ME1: variants seen among roughly 807,000 people sequenced by gnomAD.
ME1 encodes the protein NADP-dependent malic enzyme.
In ME1, 74 loss-of-function variants were observed where a neutral mutation model predicts 66.4. The ratio of observed to expected loss-of-function variants is 1.11; its 90% CI spans 0.92 to 1.35. The LOEUF (loss-of-function observed/expected upper bound fraction) is 1.35. Among genes scored for constraint, ME1 ranks in the 40% most tolerant of loss-of-function variants. ME1 has a pLI of 0.00. For synonymous variants in ME1, 251 were observed against 235.6 expected, an observed-to-expected ratio of 1.07 and a Z score of -0.60; for missense variants, 750 against 694.1, an observed-to-expected ratio of 1.08 and a Z score of -0.90.
intron 6 of ME1, among the ~76,000 whole-genome samples, chr6:83,281,900 T>TTC (rs1445875662): frequency 7.1e-6 from 1 of 141,730 alleles, no homozygotes; most frequent in East Asian, 2.1e-4. Flanking sequence ...ACACTGAATG[T>TTC]TCTCACTCAG....
At chr6:83,216,724 C>T in intron 12 of ME1, 128 bp from the exon 13 acceptor site, 1 of 573,786 alleles carries the variant, frequency 1.7e-6, no homozygotes, top group Non-Finnish European at 3.0e-6. Context: ...AATATGATTA[C>T]CTAATTTCAT....
chr6:83,333,243 T>C (rs1418346743), intron 5 of ME1, among the ~76,000 whole-genome samples: 1 of 152,210 alleles, frequency 6.6e-6, no homozygotes, highest in African/African-American at 2.4e-5. Context: ...ATTTTTATTA[T>C]TAAGTGTAAA....
intron 3 of ME1, among the ~76,000 whole-genome samples, chr6:83,375,584 T>C (rs1322380328): frequency 6.6e-6 from 1 of 152,176 alleles, no homozygotes; most frequent in Non-Finnish European, 1.5e-5. Context: ...ATACCTTTTA[T>C]TTCTTTCTCT....
intron 12 of ME1, among the ~76,000 whole-genome samples, chr6:83,219,096 G>A (rs1380031100): frequency 1.3e-5 from 2 of 152,176 alleles, no homozygotes; most frequent in Admixed American, 1.3e-4. Flanking sequence ...AGAAACAAGA[G>A]GGAGAGCTGG....
chr6:83,297,252 G>C (rs1767615801), intron 6 of ME1, among the ~76,000 whole-genome samples: 1 of 152,080 alleles, frequency 6.6e-6, no homozygotes, highest in South Asian at 2.1e-4. Flanking sequence ...CAGCTAACCA[G>C]AGAGTTGAAA....
chr6:83,430,502 T>C (rs1272787587), intron 1 of ME1, among the ~76,000 whole-genome samples: 1 of 152,176 alleles, frequency 6.6e-6, no homozygotes, highest in East Asian at 1.9e-4. Flanking sequence ...GCACATGGAG[T>C]CTGACCTGGC....
chr6:83,393,176 CAAG>C, intron 3 of ME1: 1 of 1,240,464 alleles, frequency 8.1e-7, no homozygotes, highest in Non-Finnish European at 1.2e-6. Flanking sequence ...ATGATGACAC[CAAG>C]AAGGTGGTGA....
intron 1 of ME1, 90 bp downstream of exon 1, chr6:83,430,787 G>A (rs559851132): frequency 3.4e-6 from 4 of 1,167,590 alleles, no homozygotes; most frequent in Non-Finnish European, 4.9e-6. Context: ...GAGCGGCGGA[G>A]GGGCGAGGCC....
At position 83,223,786 on chromosome 6, in the gene ME1, C is replaced by A; in HGVS notation, c.1423G>T (p.Asp475Tyr). The A allele has an allele frequency of 6.2e-7, 1 of 1,613,702 alleles. No homozygotes were observed. The highest frequency in any genetic ancestry group is 8.5e-7 in the Non-Finnish European group (1 of 1,179,786). ...TCAGCAGTAGTGAGGAAAATATTAT[C>A]TGTGATCTGCCTCAATCCACACGCC... ...VVACGLRQIT[D>Y]NIFLTTAEVI... Residue 475 changes from aspartate (D) to tyrosine (Y), a missense_variant, in exon 12 of 14, where the codon GAT becomes TAT. Coordinates refer to ENST00000369705, the MANE Select transcript of ME1 (RefSeq NM_002395.6).
intron 3 of ME1, 140 bp from the exon 4 acceptor site, chr6:83,352,279 A>T (rs1199895687): frequency 6.2e-6 from 3 of 481,380 alleles, no homozygotes; most frequent in Non-Finnish European, 1.1e-5. Context: ...TTATTTCCTT[A>T]AACAAATAAG....
intron 9 of ME1, among the ~76,000 whole-genome samples, chr6:83,234,021 T>A (rs887570067): frequency 3.9e-5 from 6 of 152,150 alleles, no homozygotes; most frequent in African/African-American, 1.4e-4. Flanking sequence ...TGAACTTCTT[T>A]ATTTTGGCAA....
At chr6:83,296,237 T>C (rs768732803) in intron 6 of ME1, among the ~76,000 whole-genome samples, 28 of 152,016 alleles carry the variant, frequency 1.8e-4, no homozygotes, top group Non-Finnish European at 2.1e-4. Context: ...ATATCCCTGA[T>C]TAGCACTGAA....
chr6:83,323,510 CAA>C (rs70987748), intron 5 of ME1, among the ~76,000 whole-genome samples: 3 of 147,768 alleles, frequency 2.0e-5, no homozygotes, highest in African/African-American at 7.4e-5. Flanking sequence ...AAACAAAAAA[CAA>C]AAAAAAAACC....
intron 3 of ME1, among the ~76,000 whole-genome samples, chr6:83,375,842 T>C (rs968588216): frequency 1.3e-5 from 2 of 152,230 alleles, no homozygotes; most frequent in African/African-American, 4.8e-5. Context: ...TCTGCATCTA[T>C]TGAAATAATC....
chr6:83,360,321 T>C (rs1186631422), intron 3 of ME1, among the ~76,000 whole-genome samples: 1 of 152,110 alleles, frequency 6.6e-6, no homozygotes, highest in Admixed American at 6.5e-5. Context: ...GATCAGACAT[T>C]TTGGGGACTA....
intron 7 of ME1, among the ~76,000 whole-genome samples, chr6:83,251,140 C>T (rs758584034): frequency 6.6e-6 from 1 of 152,106 alleles, no homozygotes; most frequent in Non-Finnish European, 1.5e-5. Context: ...AACAAAATAC[C>T]CACGTTCTCT....
intron 3 of ME1, among the ~76,000 whole-genome samples, chr6:83,380,076 A>T (rs1393333480): frequency 6.6e-6 from 1 of 152,160 alleles, no homozygotes; most frequent in Non-Finnish European, 1.5e-5. Context: ...TATTCACTTA[A>T]CAAAAATTGC....
chr6:83,346,952 C>CT (rs754200466), intron 4 of ME1, among the ~76,000 whole-genome samples: 40 of 151,684 alleles, frequency 2.6e-4, no homozygotes, highest in East Asian at 1.4e-3. Context: ...TTTTATCTTT[C>CT]TTTTTTTTCC....
At chr6:83,253,801 T>C in intron 6 of ME1, 63 bp from the exon 7 acceptor site, 1 of 824,740 alleles carries the variant, frequency 1.2e-6, no homozygotes, top group Non-Finnish European at 2.0e-6. Flanking sequence ...AATAAACTTT[T>C]AAAATTAGCC....
Sources: allele counts gnomAD v4.1 joint callset (sites outside exome capture counted in the v4.1 genomes callset), GRCh38; gene constraint gnomAD v4.1.1; transcripts MANE v1.5; gene names NCBI Gene and HGNC (gene_info 2026-07-23, HGNC 2026-07-21).